Variants in DDX4 observed in about 807,000 individuals in gnomAD.
DDX4 encodes probable ATP-dependent RNA helicase DDX4.
DDX4 carries 25 observed loss-of-function variants against 100.0 expected under a neutral mutation model. The ratio of observed to expected loss-of-function variants is 0.25; its 90% CI spans 0.18 to 0.35. DDX4 has a LOEUF of 0.35. DDX4 is among the 10% of genes least tolerant of loss of function. The probability of loss-of-function intolerance (pLI) is 1.00; values close to 1 mark genes in which losing one functional copy is unlikely to be tolerated. For synonymous variants in DDX4, 259 were observed against 275.7 expected (o/e 0.94, Z 0.60); for missense variants, 635 against 882.4 (o/e 0.72, Z 3.55).
chr5:55,814,631 C>T (rs1327321035), intron 19 of DDX4, among the ~76,000 whole-genome samples: 1 of 152,106 alleles, frequency 6.6e-6, no homozygotes. Flanking sequence ...GCTGGAATTA[C>T]AGGTGCATGC....
rs542420284 is a variant in DDX4, at chr5:55,763,201, A to G, written c.232A>G (p.Asn78Asp). The G allele has an allele frequency of 5.0e-6, 8 of 1,612,500 alleles. No individual in the cohort carries two copies. In the Admixed American group the frequency reaches 5.0e-5, roughly 10 times the overall value. Reference sequence around the variant, plus strand: ...TGCTGGTGAGTGTAATAAGCGAGATAATACATCCACAATGGGTGGTTTTGG... The same window carrying G: ...TGCTGGTGAGTGTAATAAGCGAGATGATACATCCACAATGGGTGGTTTTGG... ...RDAGECNKRD[N>D]TSTMGGFGVG... The change falls in exon 5 of 22, where the codon AAT becomes GAT. Residue 78 changes from asparagine (N) to aspartate (D), a missense_variant. Physicochemically the swap from Asn to Asp is conservative, Grantham distance 23. Around this residue, in one of 4 missense-constraint regions of DDX4, gnomAD observed 446 missense variants for 540.8 expected, o/e 0.82. Transcript: ENST00000505374.
In DDX4 at chr5:55,786,384, G is replaced by A. The variant is rs139712610; in HGVS notation, c.865-134G>A. ...TTTGAATATTTACTTCTGAGTGGAG[G>A]CATGTTACTAAAGTCACTTTAGTAT... On this transcript the variant is annotated intron_variant, in intron 13 of 21. Transcript: ENST00000505374. 2.6e-4 allele frequency: 150 copies of A among 581,260 alleles called. No individual in the cohort carries two copies. In the East Asian group the frequency reaches 3.6e-3, roughly 14 times the overall value. The allele number at this position is 581,260 out of a possible 1,614,324, so 36.0% of individuals were successfully genotyped here.
intron 7 of DDX4, among the ~76,000 whole-genome samples, chr5:55,772,077 G>A (rs1741284858): frequency 1.3e-5 from 2 of 152,084 alleles, no homozygotes; most frequent in Admixed American, 6.6e-5. Flanking sequence ...AAATTAGCTG[G>A]GCGCATGCCT....
chr5:55,780,179 C>A, intron 8 of DDX4, 114 bp downstream of exon 8: 1 of 1,468,180 alleles, frequency 6.8e-7, no homozygotes, highest in South Asian at 1.4e-5. Flanking sequence ...TAGCTTAGCT[C>A]AGTGACTAAT....
At chr5:55,797,099 C>T (rs1743013188) in intron 17 of DDX4, among the ~76,000 whole-genome samples, 1 of 152,054 alleles carries the variant, frequency 6.6e-6, no homozygotes, top group African/African-American at 2.4e-5. Flanking sequence ...ATGCCTTGGC[C>T]TTCCAAAGTG....
At chr5:55,786,756 A>T (rs748454526) in intron 14 of DDX4, 86 bp downstream of exon 14, 5 of 1,047,880 alleles carry the variant, frequency 4.8e-6, no homozygotes, top group Non-Finnish European at 7.2e-6. Flanking sequence ...TTTGAGTAGA[A>T]GGTTTGTAGA....
rs546549212 is a variant in DDX4 at position 55,784,997 on chromosome 5, G to A, written c.626-300G>A. ...CCTAGCAACTACTGAACTGGGAATG[G>A]TCTTGGGGACACCCCTCCAACACAG... On this transcript the variant is annotated intron_variant, in intron 10 of 21. Transcript: ENST00000505374. Among the ~76,000 whole-genome samples the A allele has an allele frequency of 8.5e-5, 13 of 152,328 alleles. No individual in the cohort carries two copies. The South Asian group carries it at 2.5e-3, about 29-fold the overall frequency.
At chr5:55,797,568 G>C (rs1379528454) in intron 17 of DDX4, among the ~76,000 whole-genome samples, 1 of 152,212 alleles carries the variant, frequency 6.6e-6, no homozygotes, top group Non-Finnish European at 1.5e-5. Flanking sequence ...TTAAGAGTCT[G>C]GATATGCTGA....
intron 18 of DDX4, among the ~76,000 whole-genome samples, chr5:55,804,349 G>T (rs1294656519): frequency 2.0e-5 from 3 of 151,096 alleles, no homozygotes; most frequent in South Asian, 2.1e-4. Context: ...TGTCAATTTT[G>T]GCTTTTGTTG....
intron 10 of DDX4, among the ~76,000 whole-genome samples, chr5:55,784,627 T>C (rs1212784946): frequency 2.0e-5 from 3 of 152,216 alleles, no homozygotes; most frequent in Non-Finnish European, 2.9e-5. Context: ...CATTGTGGTT[T>C]TTGCTGAATA....
At chr5:55,764,674 T>G (rs956707897) in intron 6 of DDX4, among the ~76,000 whole-genome samples, 7 of 152,188 alleles carry the variant, frequency 4.6e-5, no homozygotes, top group Admixed American at 1.3e-4. Context: ...ATGTATGAAA[T>G]CTTTATAACA....
rs1360190775 is a variant in DDX4 at position 55,785,837 on chromosome 5, A to C, written c.830A>C (p.Glu277Ala). Residue 277 changes from glutamate (E) to alanine (A), a missense_variant, in exon 13 of 22, where the codon GAA becomes GCA. Transcript: ENST00000505374. The stretch of plus-strand genomic sequence containing the variant: ...GACAAATACGACACTATTCTTGTGG[A>C]AGTGTCTGGACATGATGCACCACCA... Reference protein sequence around the residue: ...NFDKYDTILVEVSGHDAPPAI... With the variant: ...NFDKYDTILVAVSGHDAPPAI... 6.2e-7 allele frequency: 1 copy of C among 1,609,814 alleles called. No individual in the cohort carries two copies. The highest frequency in any genetic ancestry group is 1.3e-5 in the African/African-American group (1 of 74,884).
At chr5:55,766,988 G>C in intron 6 of DDX4, 1 of 1,531,432 alleles carries the variant, frequency 6.5e-7, no homozygotes, top group South Asian at 1.2e-5. Flanking sequence ...GCAGCCTTCA[G>C]TATAGTAATC....
At chr5:55,784,170 A>G (rs182348667) in intron 10 of DDX4, among the ~76,000 whole-genome samples, 19 of 152,230 alleles carry the variant, frequency 1.2e-4, no homozygotes, top group Middle Eastern at 6.8e-3. Context: ...GTTCAAGGCC[A>G]AAGACCTGAG....
At chr5:55,808,481 A>G (rs1237359874) in intron 18 of DDX4, among the ~76,000 whole-genome samples, 1 of 152,168 alleles carries the variant, frequency 6.6e-6, no homozygotes, top group Non-Finnish European at 1.5e-5. Context: ...ATGGTGACGT[A>G]CAGATGGGGT....
intron 7 of DDX4, among the ~76,000 whole-genome samples, chr5:55,774,661 T>G (rs1741454266): frequency 6.6e-6 from 1 of 152,198 alleles, no homozygotes; most frequent in African/African-American, 2.4e-5. Context: ...TTCTTACACT[T>G]AAGTCTTTGA....
At chr5:55,815,484 T>C in intron 21 of DDX4, 61 bp downstream of exon 21, 1 of 1,556,294 alleles carries the variant, frequency 6.4e-7, no homozygotes, top group Non-Finnish European at 8.6e-7. Context: ...ATGTTGTGCT[T>C]AATATTGTGA....
At chr5:55,798,686 T>C (rs925583725) in intron 18 of DDX4, 115 bp downstream of exon 18, 92 of 945,616 alleles carry the variant, frequency 9.7e-5, no homozygotes, top group Non-Finnish European at 1.3e-4. Context: ...TTTAAGTCTC[T>C]CTCCCTCTAA....
At position 55,785,758 on chromosome 5, in the gene DDX4, C is replaced by G. The variant is rs1272456666; in HGVS notation, c.751C>G (p.Pro251Ala). The change falls in exon 13 of 22, where the codon CCA becomes GCA. Residue 251 changes from proline to alanine, a missense_variant. Transcript: ENST00000505374. ...GPKVTYIPPP[P>A]PEDEDSIFAH... is the part of the protein sequence containing the mutation. Reference sequence around the variant, plus strand: ...AAAAGTGACCTACATACCCCCTCCTCCACCTGAGGATGAGGACTCCATCTT... The same window carrying G: ...AAAAGTGACCTACATACCCCCTCCTGCACCTGAGGATGAGGACTCCATCTT... 3.1e-6 allele frequency: 5 copies of G among 1,612,078 alleles called. No individual in the cohort carries two copies. Among genetic ancestry groups the G allele is most frequent in the Non-Finnish European group, 4.2e-6 (5 of 1,178,314 alleles).
Sources: allele counts gnomAD v4.1 joint callset (sites outside exome capture counted in the v4.1 genomes callset), GRCh38; gene constraint gnomAD v4.1.1; regional missense constraint gnomAD v4.1.1; transcripts MANE v1.5; gene names NCBI Gene and HGNC (gene_info 2026-07-23, HGNC 2026-07-21).